Variants in ATR observed in about 807,000 individuals in gnomAD.
The protein encoded by ATR is ATR checkpoint kinase, also known as serine/threonine-protein kinase ATR.
In ATR, 142 loss-of-function variants were observed where a neutral mutation model predicts 305.3. The ratio of observed to expected loss-of-function variants is 0.47; its 90% CI spans 0.41 to 0.53. The LOEUF (loss-of-function observed/expected upper bound fraction) is 0.53, where lower values mean the gene tolerates loss of function less well. Ranked by LOEUF, ATR falls within the 20% of genes least tolerant of loss-of-function variation. ATR has a pLI of 0.00. For missense variants in ATR, 2,135 were observed against 3,133.1 expected (o/e 0.68, Z 7.60); for synonymous variants, 1,050 against 1,068.1 (o/e 0.98, Z 0.33).
intron 28 of ATR, 26 bp from the exon 29 acceptor site, chr3:142,505,329 C>A (rs778903699): frequency 1.9e-6 from 3 of 1,610,152 alleles, no homozygotes; most frequent in South Asian, 1.1e-5. Context: ...AAAAAACAAT[C>A]AAAAACAAGA....
chr3:142,455,494 T>G (rs2070885385), intron 45 of ATR, among the ~76,000 whole-genome samples: 1 of 152,214 alleles, frequency 6.6e-6, no homozygotes, highest in South Asian at 2.1e-4. Context: ...ACACTCACAC[T>G]TTATGATTTC....
intron 40 of ATR, 65 bp downstream of exon 40, chr3:142,466,259 T>G: frequency 6.7e-7 from 1 of 1,486,510 alleles, no homozygotes; most frequent in Non-Finnish European, 9.4e-7. Flanking sequence ...ATACACTTTT[T>G]ATCTTAATTT....
In ATR at chr3:142,485,264, G is replaced by C. The variant is rs746541119; in HGVS notation, c.6097C>G (p.Pro2033Ala). Residue 2033 changes from proline (P) to alanine (A), a missense_variant, in exon 36 of 47, where the codon CCA (proline) becomes GCA (alanine). Transcript: ENST00000350721. ...TAAAAATGCCCATCCTCCCATTCTG[G>C]CAGGCACGCGGTCACATCCTATAAA... ...KKYKDVTACL[P>A]EWEDGHFYLA... 5 of 1,613,940 alleles carry C rather than the reference G, an allele frequency of 3.1e-6. No homozygotes were observed. The highest frequency in any genetic ancestry group is 3.4e-6 in the Non-Finnish European group (4 of 1,180,000).
chr3:142,530,194 T>C (rs1473611947), intron 21 of ATR, among the ~76,000 whole-genome samples: 1 of 152,152 alleles, frequency 6.6e-6, no homozygotes, highest in African/African-American at 2.4e-5. Context: ...TTTAGTCAAA[T>C]ATATTCTCCC....
intron 34 of ATR, among the ~76,000 whole-genome samples, chr3:142,493,729 G>A (rs1012902751): frequency 2.0e-5 from 3 of 151,866 alleles, no homozygotes; most frequent in African/African-American, 7.3e-5. Flanking sequence ...TTACCCAGGT[G>A]TAGTGGCTCA....
Position 142,547,824 on chromosome 3 carries a change from G to A in ATR, c.3258C>T (p.His1086=), listed in dbSNP as rs1430936374. ...HNELLLRIGE[H]YQQVFNGLSI... is the part of the protein sequence containing the mutation. ...ACAAACCATTAAAAACCTGTTGATA[G>A]TGTTCTCCAATACGCAGCAATAATT... is the stretch of plus-strand genomic sequence containing the variant. The change falls in exon 16 of 47, where the codon CAC becomes CAT. Residue 1086 remains histidine (H), a synonymous_variant. Transcript: ENST00000350721. The A allele has an allele frequency of 1.2e-6, 2 of 1,613,916 alleles. No homozygotes were observed. The highest frequency in any genetic ancestry group is 1.7e-6 in the Non-Finnish European group (2 of 1,179,900).
In ATR at chr3:142,453,301, T is replaced by A. The variant is rs113408073; in HGVS notation, c.7656-68A>T. 118 of 1,528,706 alleles carry A rather than the reference T, an allele frequency of 7.7e-5. 1 individual carries two copies. In the African/African-American group the frequency reaches 1.2e-3, roughly 16 times the overall value. The allele number at this position is 1,528,706 out of a possible 1,614,324, so 94.7% of individuals were successfully genotyped here. On this transcript the variant is annotated intron_variant, in intron 45 of 46. Coordinates refer to ENST00000350721, the MANE Select transcript of ATR (RefSeq NM_001184.4). The stretch of plus-strand genomic sequence containing the variant: ...AGAAGAAATCTTGCTGACATCAATA[T>A]TTAAGTGAAGGATGAGAAGCTAATG...
chr3:142,573,762 T>C (rs2035350467), intron 1 of ATR, among the ~76,000 whole-genome samples: 1 of 152,354 alleles, frequency 6.6e-6, no homozygotes, highest in South Asian at 2.1e-4. Flanking sequence ...TTCTTTTTTC[T>C]GGTACTAAGT....
At chr3:142,450,193 A>G (rs1361241338) in intron 46 of ATR, 1 of 537,168 alleles carries the variant, frequency 1.9e-6, no homozygotes, top group African/African-American at 1.9e-5. Flanking sequence ...TTCCGCCAAG[A>G]GCCTGGACTC....
intron 21 of ATR, among the ~76,000 whole-genome samples, chr3:142,530,619 T>C (rs1001079956): frequency 2.0e-5 from 3 of 152,182 alleles, no homozygotes; most frequent in South Asian, 2.1e-4. Context: ...TCTTCATGAA[T>C]AGCTTTTTTT....
intron 19 of ATR, 53 bp downstream of exon 19, chr3:142,538,429 T>C: frequency 3.2e-6 from 5 of 1,566,654 alleles, no homozygotes; most frequent in Non-Finnish European, 4.4e-6. Context: ...TTTTGAGACA[T>C]AAAAATACAG....
At chr3:142,482,698 TGGTGGC>T (rs2030595842) in intron 36 of ATR, among the ~76,000 whole-genome samples, 2 of 152,058 alleles carry the variant, frequency 1.3e-5, no homozygotes, top group South Asian at 4.1e-4. Context: ...TAGTTGGGCA[TGGTGGC>T]ATGTGCCTAT....
At chr3:142,521,574 G>A (rs2033148445) in intron 23 of ATR, among the ~76,000 whole-genome samples, 1 of 152,182 alleles carries the variant, frequency 6.6e-6, no homozygotes, top group African/African-American at 2.4e-5. Flanking sequence ...TGATTCATGA[G>A]AAGTCAAAAT....
At chr3:142,454,553 T>C (rs2108252349) in intron 45 of ATR, among the ~76,000 whole-genome samples, 1 of 149,536 alleles carries the variant, frequency 6.7e-6, no homozygotes, top group East Asian at 2.0e-4. Context: ...GCCATTCTCC[T>C]GCCTCAGCCT....
At chr3:142,480,608 C>G (rs2030362598) in intron 36 of ATR, among the ~76,000 whole-genome samples, 1 of 152,232 alleles carries the variant, frequency 6.6e-6, no homozygotes, top group South Asian at 2.1e-4. Flanking sequence ...CTACTCTCTT[C>G]AAAGCTGTCA....
At chr3:142,560,533 A>G (rs2034839619) in intron 5 of ATR, 79 bp from the exon 6 acceptor site, 1 of 1,392,294 alleles carries the variant, frequency 7.2e-7, no homozygotes, top group African/African-American at 1.5e-5. Flanking sequence ...TTAGAATAAA[A>G]CATACTATGT....
chr3:142,554,625 T>C (rs2034598649), intron 10 of ATR, among the ~76,000 whole-genome samples: 1 of 152,096 alleles, frequency 6.6e-6, no homozygotes, highest in African/African-American at 2.4e-5. Context: ...AAGATAAACT[T>C]AAAAACACAT....
chr3:142,522,891 T>A, intron 22 of ATR, 50 bp from the exon 23 acceptor site: 1 of 1,377,542 alleles, frequency 7.3e-7, no homozygotes, highest in African/African-American at 1.4e-5. Context: ...GCTATAAATT[T>A]TCTTAGGTGT....
Position 142,562,173 on chromosome 3 carries a change from T to C in ATR, c.1170+59A>G, listed in dbSNP as rs1272256469. 3.2e-6 allele frequency: 5 copies of C among 1,555,058 alleles called. No homozygotes were observed. In the African/African-American group the frequency reaches 6.8e-5, roughly 21 times the overall value. On this transcript the variant is annotated intron_variant, in intron 4 of 46. Transcript: ENST00000350721. ...CTTATTATTACATTTTGCACATATG[T>C]ATACAATTAAATGATGAACAAAATA...
Sources: gnomAD v4.1 joint callset for allele counts (sites outside exome capture counted in the v4.1 genomes callset) on GRCh38, gnomAD v4.1.1 for gene constraint, MANE v1.5 for transcripts, NCBI Gene and HGNC (gene_info 2026-07-23, HGNC 2026-07-21) for gene names.